Variants in HTD2 observed in about 807,000 individuals in gnomAD.
The protein encoded by HTD2 is hydroxyacyl-thioester dehydratase type 2, also known as hydroxyacyl-thioester dehydratase type 2, mitochondrial.
HTD2 carries 1 observed loss-of-function variant against 3.1 expected under a neutral mutation model. The observed-to-expected ratio is 0.32, with a 90% CI of 0.11 to 1.52. The LOEUF is 1.52. Ranked by LOEUF, HTD2 falls within the 40% of genes most tolerant of loss-of-function variation. The pLI, the probability that HTD2 is intolerant of heterozygous loss-of-function variation, is 0.39. For missense variants in HTD2, 150 were observed against 79.6 expected, an observed-to-expected ratio of 1.88 and a Z score of -3.36; for synonymous variants, 50 against 28.9, an observed-to-expected ratio of 1.73 and a Z score of -2.34.
chr3:58,307,191 G>A (rs967988397), intron 1 of HTD2, among the ~76,000 whole-genome samples: 1 of 152,210 alleles, frequency 6.6e-6, no homozygotes, highest in African/African-American at 2.4e-5. Context: ...TGAAGTCAGA[G>A]GTGTAGAGGG....
At position 58,311,097 on chromosome 3, in the gene HTD2, T is replaced by G. The variant is rs554229013; in HGVS notation, c.-331+506T>G. The stretch of plus-strand genomic sequence containing the variant: ...CCCTCCTACCCTTCCCAGCCTCTGA[T>G]AATCACCAATCTACTTTCTATCCTC... On this transcript the variant is annotated intron_variant, in intron 2 of 4. Coordinates refer to ENST00000461393, the MANE Select transcript of HTD2 (RefSeq NM_001348712.2). Among the ~76,000 whole-genome samples the G allele has an allele frequency of 3.9e-5, 6 of 152,232 alleles. No homozygotes were observed. In the East Asian group the frequency reaches 5.8e-4, roughly 15 times the overall value.
At chr3:58,311,673 A>T (rs1234221605) in intron 2 of HTD2, among the ~76,000 whole-genome samples, 1 of 124,374 alleles carries the variant, frequency 8.0e-6, no homozygotes, top group African/African-American at 2.9e-5. Context: ...CATTTTGCCT[A>T]TTGGGAATAC....
At chr3:58,314,686 T>TTTTC (rs1176830844) in intron 2 of HTD2, among the ~76,000 whole-genome samples, 2 of 139,500 alleles carry the variant, frequency 1.4e-5, no homozygotes, top group East Asian at 4.4e-4. Flanking sequence ...TTTTTTTTTT[T>TTTTC]TTTTTTTTTT....
chr3:58,311,212 T>C (rs2097481891), intron 2 of HTD2, among the ~76,000 whole-genome samples: 1 of 152,188 alleles, frequency 6.6e-6, no homozygotes, highest in African/African-American at 2.4e-5. Flanking sequence ...TGGAGTGCAA[T>C]GGCACATTCT....
At position 58,317,000 on chromosome 3, in the gene HTD2, A is replaced by G. The variant is rs759978314; in HGVS notation, c.-175+7A>G. 16 of 1,606,256 alleles carry G rather than the reference A, an allele frequency of 1.0e-5. No individual in the cohort carries two copies. Among genetic ancestry groups the G allele is most frequent in the Non-Finnish European group, 1.3e-5 (15 of 1,173,218 alleles). ...TGCTTTCCGGGTGATTCAGGTAAAG[A>G]CTATTCCCTCACATATTCCAAACAA... On this transcript the variant is annotated splice_region_variant and intron_variant, in intron 4 of 4. Coordinates refer to ENST00000461393, the MANE Select transcript of HTD2 (RefSeq NM_001348712.2).
intron 2 of HTD2, among the ~76,000 whole-genome samples, chr3:58,311,706 T>C (rs2097482434): frequency 6.6e-6 from 1 of 151,066 alleles, no homozygotes; most frequent in East Asian, 2.0e-4. Flanking sequence ...AGTGCATATG[T>C]CCTTTTTTTT....
chr3:58,317,668 GTC>G lies in HTD2; in HGVS notation c.57_58del (p.Cys20SerfsTer23). 1 of 707,590 alleles carries G rather than the reference GTC, an allele frequency of 1.4e-6. No individual in the cohort carries two copies. The highest frequency in any genetic ancestry group is 2.6e-6 in the Non-Finnish European group (1 of 387,944). 43.8% of individuals were successfully genotyped at this position (707,590 alleles called of 1,614,324 possible). On this transcript the variant is annotated frameshift_variant, in exon 5 of 5. Coordinates refer to ENST00000461393, the MANE Select transcript of HTD2 (RefSeq NM_001348712.2). LOFTEE classifies it high-confidence loss of function. Reference sequence around the variant, plus strand: ...TTGGTGGGGTGGGCTTCGGAGGACAGTCTGTCTGAACCTGCCAGTGCTGACCC... The same window carrying G: ...TTGGTGGGGTGGGCTTCGGAGGACAGTGTCTGAACCTGCCAGTGCTGACCC... ...HLWWGGLRRTVCLNLPVLTLQ... is the reference protein window; with the variant it reads ...HLWWGGLRRTXCLNLPVLTLQ...
chr3:58,307,826 C>T (rs924260973), intron 1 of HTD2: 11 of 151,428 alleles, frequency 7.3e-5, no homozygotes, highest in Non-Finnish European at 1.5e-4. Flanking sequence ...CCTTTAATGT[C>T]AGAACAGCCT....
intron 2 of HTD2, among the ~76,000 whole-genome samples, chr3:58,311,318 C>A (rs2107502213): frequency 6.6e-6 from 1 of 152,308 alleles, no homozygotes; most frequent in African/African-American, 2.4e-5. Context: ...CCATGCCCAA[C>A]TAATTTTTGT....
chr3:58,308,779 TAAAC>T (rs145815642), intron 1 of HTD2, among the ~76,000 whole-genome samples: 10,544 of 152,210 alleles, frequency 0.069, 464 homozygotes, highest in Middle Eastern at 0.088. Flanking sequence ...ATCCATATAT[TAAAC>T]AAATAGACAG....
At chr3:58,314,769 C>T (rs1252015984) in intron 2 of HTD2, among the ~76,000 whole-genome samples, 1 of 148,156 alleles carries the variant, frequency 6.7e-6, no homozygotes, top group African/African-American at 2.5e-5. Flanking sequence ...ACTGCAACCT[C>T]CGCCTCCCAG....
chr3:58,316,456 G>A, intron 2 of HTD2, 59 bp from the exon 3 acceptor site: 1 of 1,468,396 alleles, frequency 6.8e-7, no homozygotes, highest in Non-Finnish European at 9.5e-7. Context: ...GTCAAAAGTT[G>A]ACAAGCATTC....
chr3:58,312,145 C>T (rs1305688675), intron 2 of HTD2, among the ~76,000 whole-genome samples: 3 of 152,222 alleles, frequency 2.0e-5, no homozygotes, highest in Non-Finnish European at 4.4e-5. Context: ...TGAGCCACTG[C>T]ACCTGACCTA....
In HTD2 at chr3:58,318,090, A is replaced by G; in HGVS notation, c.477A>G (p.Lys159=). 1 of 670,004 alleles carries G rather than the reference A, an allele frequency of 1.5e-6. No individual in the cohort carries two copies. The highest frequency in any genetic ancestry group is 2.7e-6 in the Non-Finnish European group (1 of 372,970). The allele number at this position is 670,004 out of a possible 1,614,324, so 41.5% of individuals were successfully genotyped here. ...SKKTVMEGWV[K]VMVPEASKS ...AGACTGTTATGGAAGGCTGGGTTAAAGTTATGGTTCCAGAAGCTTCCAAAT... is the reference window on the plus strand; with the variant it reads ...AGACTGTTATGGAAGGCTGGGTTAAGGTTATGGTTCCAGAAGCTTCCAAAT... Residue 159 remains lysine (K), a synonymous_variant, in exon 5 of 5, where the codon AAA becomes AAG. Transcript: ENST00000461393.
rs555627423 is a variant in HTD2 at position 58,314,208 on chromosome 3, G to A, written c.-330-2307G>A. On this transcript the variant is annotated intron_variant, in intron 2 of 4. Coordinates refer to ENST00000461393, the MANE Select transcript of HTD2 (RefSeq NM_001348712.2). ...TCTGCTAAAGCTATAAAAACTAGCC[G>A]GGCGTGGTGGCACATGCCTGTAACC... Among the ~76,000 whole-genome samples the A allele has an allele frequency of 1.1e-4, 17 of 152,264 alleles. No individual in the cohort carries two copies. The East Asian group carries it at 2.5e-3, about 22-fold the overall frequency.
At chr3:58,308,367 T>C (rs1019970328) in intron 1 of HTD2, among the ~76,000 whole-genome samples, 1 of 152,186 alleles carries the variant, frequency 6.6e-6, no homozygotes, top group Admixed American at 6.6e-5. Flanking sequence ...CACTGTATCC[T>C]TAACCTCCCA....
At chr3:58,306,731 GTGAT>G (rs1419161832) in intron 1 of HTD2, 80 bp downstream of exon 1, 2 of 152,284 alleles carry the variant, frequency 1.3e-5, no homozygotes, top group East Asian at 1.9e-4. Flanking sequence ...GCTTTTTAAA[GTGAT>G]TGATTTAGTC....
rs1052027798 is a variant in HTD2, at chr3:58,310,659, G to A, written c.-331+68G>A. 45 of 1,391,016 alleles carry A rather than the reference G, an allele frequency of 3.2e-5. 1 individual carries two copies. The highest frequency in any genetic ancestry group is 2.9e-4 in the Admixed American group (14 of 48,894). The allele number at this position is 1,391,016 out of a possible 1,614,324, so 86.2% of individuals were successfully genotyped here. A position where few individuals can be genotyped will look rare whatever the true frequency, so the allele number is the denominator to read the frequency against. On this transcript the variant is annotated intron_variant, in intron 2 of 4. Transcript: ENST00000461393. ...TAAGAAATACAGAAAGAGGCCGGGC[G>A]CGGTAGCTCACGCCTGTAATCCCAG...
intron 2 of HTD2, among the ~76,000 whole-genome samples, chr3:58,313,088 C>T (rs1220457647): frequency 1.3e-5 from 2 of 151,734 alleles, no homozygotes. Context: ...ACGGTGAAAC[C>T]CTGTCTCTAC....
Sources: allele counts gnomAD v4.1 joint callset (sites outside exome capture counted in the v4.1 genomes callset), GRCh38; gene constraint gnomAD v4.1.1; transcripts MANE v1.5; gene names NCBI Gene and HGNC (gene_info 2026-07-23, HGNC 2026-07-21).